ADAM7: variants seen among roughly 807,000 people sequenced by gnomAD.
The protein encoded by ADAM7 is disintegrin and metalloproteinase domain-containing protein 7.
In ADAM7, 97 loss-of-function variants were observed where a neutral mutation model predicts 102.9. That is an observed-to-expected ratio of 0.94 (90% confidence interval 0.80 to 1.12). ADAM7 has a LOEUF of 1.12. Ranked by LOEUF, ADAM7 falls within the 50% of genes most tolerant of loss-of-function variation. The pLI is 0.00. For missense variants in ADAM7, 991 were observed against 908.7 expected, an observed-to-expected ratio of 1.09 and a Z score of -1.16; for synonymous variants, 334 against 304.4, an observed-to-expected ratio of 1.10 and a Z score of -1.01.
chr8:24,504,481 G>T (rs1820882307), intron 20 of ADAM7, among the ~76,000 whole-genome samples: 1 of 151,954 alleles, frequency 6.6e-6, no homozygotes, highest in Admixed American at 6.6e-5. Context: ...CATCATTTTT[G>T]AAAAGATTAT....
chr8:24,449,219 A>G (rs1380245572), intron 3 of ADAM7, among the ~76,000 whole-genome samples: 2 of 152,194 alleles, frequency 1.3e-5, no homozygotes, highest in Non-Finnish European at 2.9e-5. Flanking sequence ...ATCCCTGAGG[A>G]ATTGCCACAC....
At chr8:24,448,582 A>G (rs1431832240) in intron 3 of ADAM7, among the ~76,000 whole-genome samples, 3 of 152,062 alleles carry the variant, frequency 2.0e-5, no homozygotes, top group Non-Finnish European at 4.4e-5. Context: ...TGATCTTATT[A>G]ATTTAGATTT....
chr8:24,485,125 A>C (rs1023239821), intron 9 of ADAM7, 152 bp from the exon 10 acceptor site: 1 of 695,168 alleles, frequency 1.4e-6, no homozygotes, highest in Non-Finnish European at 2.5e-6. Context: ...CTCAATATCA[A>C]CTAAGGTCAG....
chr8:24,491,966 A>G lies in ADAM7; in HGVS notation c.1420A>G (p.Thr474Ala). Residue 474 changes from threonine to alanine, a missense_variant, in exon 14 of 22, where the codon ACT becomes GCT. Physicochemically the swap from Thr to Ala is moderately conservative, Grantham distance 58. Coordinates refer to ENST00000175238, the MANE Select transcript of ADAM7 (RefSeq NM_003817.4). ...TGAATGTGATTTTCCTGAGATGTGCACTGGCCACTCGCCTGCCTGTCCTAA... is the reference window on the plus strand; with the variant it reads ...TGAATGTGATTTTCCTGAGATGTGCGCTGGCCACTCGCCTGCCTGTCCTAA... ...KDECDFPEMC[T>A]GHSPACPKDQ... The G allele has an allele frequency of 1.2e-6, 2 of 1,613,888 alleles. No homozygotes were observed. The highest frequency in any genetic ancestry group is 1.7e-6 in the Non-Finnish European group (2 of 1,179,874).
intron 11 of ADAM7, among the ~76,000 whole-genome samples, chr8:24,487,637 AAAAAAAAAAG>A (rs1820189203): frequency 6.7e-6 from 1 of 149,890 alleles, no homozygotes; most frequent in Non-Finnish European, 1.5e-5. Flanking sequence ...CTCCATCTCA[AAAAAAAAAAG>A]AAAAAAAAAG....
chr8:24,490,742 C>T, intron 12 of ADAM7, 57 bp from the exon 13 acceptor site: 5 of 1,529,500 alleles, frequency 3.3e-6, no homozygotes, highest in Non-Finnish European at 4.5e-6. Context: ...ATTAATTCTT[C>T]AAACAGGAGT....
chr8:24,496,864 G>A (rs1465612262), intron 16 of ADAM7, among the ~76,000 whole-genome samples: 1 of 152,182 alleles, frequency 6.6e-6, no homozygotes, highest in Non-Finnish European at 1.5e-5. Context: ...GGACTTTTGA[G>A]TTAATGCTGA....
intron 16 of ADAM7, among the ~76,000 whole-genome samples, chr8:24,494,386 G>A (rs1820483472): frequency 6.6e-6 from 1 of 152,172 alleles, no homozygotes; most frequent in Admixed American, 6.5e-5. Flanking sequence ...AAGACTAAGT[G>A]TGAAGCCTGA....
At chr8:24,456,525 T>C (rs1487556711) in intron 3 of ADAM7, among the ~76,000 whole-genome samples, 1 of 152,132 alleles carries the variant, frequency 6.6e-6, no homozygotes, top group African/African-American at 2.4e-5. Flanking sequence ...CATTGAGCTC[T>C]GGCAAATGCA....
At chr8:24,464,938 C>A (rs1819375838) in intron 4 of ADAM7, among the ~76,000 whole-genome samples, 1 of 149,932 alleles carries the variant, frequency 6.7e-6, no homozygotes, top group Non-Finnish European at 1.5e-5. Context: ...AGGCGCACGC[C>A]ACCGTGCCCA....
At position 24,490,830 on chromosome 8, in the gene ADAM7, CAT is replaced by C. The variant is rs769701717; in HGVS notation, c.1299_1300del (p.Val435ThrfsTer14). 11 of 1,613,706 alleles carry C rather than the reference CAT, an allele frequency of 6.8e-6. No individual in the cohort carries two copies. The highest frequency in any genetic ancestry group is 1.3e-5 in the African/African-American group (1 of 74,898). On this transcript the variant is annotated frameshift_variant, in exon 13 of 22. Transcript: ENST00000175238. LOFTEE classifies it high-confidence loss of function. Reference sequence around the variant, plus strand: ...ACTAATCCTTGCTGTGATGCACACACATGTGTACTGAAGCCAGGATTTACTTG... The same window carrying C: ...ACTAATCCTTGCTGTGATGCACACACGTGTACTGAAGCCAGGATTTACTTG...
At chr8:24,501,064 A>T (rs1820742915) in intron 19 of ADAM7, among the ~76,000 whole-genome samples, 169 bp downstream of exon 19, 1 of 152,174 alleles carries the variant, frequency 6.6e-6, no homozygotes, top group African/African-American at 2.4e-5. Flanking sequence ...TCCAGATGCT[A>T]ATATCAATGA....
chr8:24,476,066 A>G, intron 7 of ADAM7: 1 of 421,952 alleles, frequency 2.4e-6, no homozygotes, highest in African/African-American at 2.1e-5. Context: ...TTCGCCATAT[A>G]GATTGCTTTG....
In ADAM7 at chr8:24,488,942, G is replaced by A. The variant is rs140531198; in HGVS notation, c.1092-217G>A. On this transcript the variant is annotated intron_variant, in intron 11 of 21. Coordinates refer to ENST00000175238, the MANE Select transcript of ADAM7 (RefSeq NM_003817.4). ...GTAAGGTGGGCTTCAGGAAGGATTTGCTGGAGGATCTATAACCAAGATATT... is the reference window on the plus strand; with the variant it reads ...GTAAGGTGGGCTTCAGGAAGGATTTACTGGAGGATCTATAACCAAGATATT... 5.9e-5 allele frequency among the ~76,000 whole-genome samples: 9 copies of A among 152,248 alleles called. 1 individual carries two copies. The East Asian group carries it at 1.7e-3, about 29-fold the overall frequency.
At chr8:24,463,826 A>T in intron 3 of ADAM7, 56 bp from the exon 4 acceptor site, 1 of 1,421,774 alleles carries the variant, frequency 7.0e-7, no homozygotes, top group South Asian at 1.2e-5. Flanking sequence ...TATAGGTTTT[A>T]TCTGTCAGGT....
At chr8:24,500,112 G>T in intron 17 of ADAM7, 66 bp from the exon 18 acceptor site, 1 of 1,427,732 alleles carries the variant, frequency 7.0e-7, no homozygotes, top group South Asian at 1.3e-5. Context: ...TAGCACTAAA[G>T]TAAGTGAGTT....
chr8:24,451,613 T>A (rs1219755653), intron 3 of ADAM7, among the ~76,000 whole-genome samples: 1 of 152,040 alleles, frequency 6.6e-6, no homozygotes, highest in African/African-American at 2.4e-5. Context: ...CCTGGATTCA[T>A]TAATTTTTTG....
intron 3 of ADAM7, among the ~76,000 whole-genome samples, chr8:24,457,103 C>T (rs1229702745): frequency 3.3e-5 from 5 of 152,086 alleles, no homozygotes; most frequent in South Asian, 2.1e-4. Flanking sequence ...TGTATGTATT[C>T]CTCATCATTT....
chr8:24,483,290 G>C (rs1010545686), intron 9 of ADAM7, among the ~76,000 whole-genome samples: 3 of 152,096 alleles, frequency 2.0e-5, no homozygotes, highest in African/African-American at 7.2e-5. Flanking sequence ...CTAATATTTA[G>C]CACAGTCCTG....
Sources: gnomAD v4.1 joint callset for allele counts (sites outside exome capture counted in the v4.1 genomes callset) on GRCh38, gnomAD v4.1.1 for gene constraint, MANE v1.5 for transcripts, NCBI Gene and HGNC (gene_info 2026-07-23, HGNC 2026-07-21) for gene names.